The following TBC1D9 variants were observed in gnomAD, a reference collection of about 807,000 sequenced individuals.
TBC1D9 encodes the protein TBC1 domain family member 9.
A neutral mutation model predicts 132.0 loss-of-function variants in TBC1D9; 63 were observed. The ratio of observed to expected loss-of-function variants is 0.48; its 90% CI spans 0.39 to 0.59. The LOEUF is 0.59. Among genes scored for constraint, TBC1D9 ranks in the 20% least tolerant of loss-of-function variants. The pLI, the probability that TBC1D9 is intolerant of heterozygous loss-of-function variation, is 0.00. For missense variants in TBC1D9, 1,261 were observed against 1,592.7 expected (o/e 0.79, Z 3.54); for synonymous variants, 610 against 609.9 (o/e 1.00, Z 0.00).
intron 1 of TBC1D9, 58 bp from the exon 2 acceptor site, chr4:140,701,672 C>T: frequency 7.5e-7 from 1 of 1,338,440 alleles, no homozygotes. Flanking sequence ...TTCCCACATT[C>T]CCAGGGGCAG....
chr4:140,668,701 G>C (rs1313897000), intron 9 of TBC1D9, among the ~76,000 whole-genome samples: 2 of 152,190 alleles, frequency 1.3e-5, no homozygotes, highest in East Asian at 3.8e-4. Context: ...AAGGATGGTG[G>C]ATTCAACATT....
intron 13 of TBC1D9, chr4:140,644,370 G>T: frequency 3.5e-6 from 1 of 286,286 alleles, no homozygotes. Context: ...GTAGGTGTAG[G>T]CAGGCGCCTT....
intron 13 of TBC1D9, among the ~76,000 whole-genome samples, chr4:140,653,454 G>C (rs946405298): frequency 2.6e-5 from 4 of 152,100 alleles, no homozygotes; most frequent in Non-Finnish European, 5.9e-5. Context: ...CGGACATTTG[G>C]AATCGCCAGG....
At chr4:140,650,199 T>C (rs924519488) in intron 13 of TBC1D9, among the ~76,000 whole-genome samples, 2 of 152,248 alleles carry the variant, frequency 1.3e-5, no homozygotes, top group African/African-American at 2.4e-5. Context: ...TAGAATTTAT[T>C]TTGAAAGTTG....
rs1560905429 is a variant in TBC1D9, at chr4:140,754,069, A to G, written c.130+1847T>C. Among the ~76,000 whole-genome samples, 4 of 152,226 alleles carry G rather than the reference A, an allele frequency of 2.6e-5. No homozygotes were observed. In the South Asian group the frequency reaches 8.3e-4, roughly 31 times the overall value. On this transcript the variant is annotated intron_variant, in intron 1 of 20. Coordinates refer to ENST00000442267, the MANE Select transcript of TBC1D9 (RefSeq NM_015130.3). ...GATGTAATTTTACCTAAGTGAAAGA[A>G]GTCATTGATGACAAGATGAGATTTC...
At chr4:140,690,142 C>A (rs964681703) in intron 2 of TBC1D9, among the ~76,000 whole-genome samples, 1 of 152,120 alleles carries the variant, frequency 6.6e-6, no homozygotes, top group Admixed American at 6.5e-5. Context: ...GAATGCACTC[C>A]TTCAATAAAC....
intron 3 of TBC1D9, 130 bp from the exon 4 acceptor site, chr4:140,679,973 C>G (rs1737680366): frequency 1.5e-6 from 1 of 647,122 alleles, no homozygotes; most frequent in Non-Finnish European, 2.5e-6. Context: ...AATGGCAACC[C>G]CCAAATTCTA....
chr4:140,748,487 C>T (rs559639347), intron 1 of TBC1D9, among the ~76,000 whole-genome samples: 1 of 152,290 alleles, frequency 6.6e-6, no homozygotes, highest in African/African-American at 2.4e-5. Context: ...TATTAAAGAA[C>T]ACCTACTACC....
chr4:140,697,581 C>T (rs559392707), intron 2 of TBC1D9, among the ~76,000 whole-genome samples: 6 of 152,336 alleles, frequency 3.9e-5, no homozygotes, highest in African/African-American at 1.4e-4. Flanking sequence ...CTATACATCT[C>T]TTTGGACAAT....
intron 1 of TBC1D9, among the ~76,000 whole-genome samples, chr4:140,748,823 G>A (rs1268749757): frequency 1.3e-5 from 2 of 152,116 alleles, no homozygotes; most frequent in African/African-American, 4.8e-5. Context: ...TTCTGGCAGT[G>A]GAAAACGGAT....
At chr4:140,643,725 C>A in intron 13 of TBC1D9, 1 of 1,215,638 alleles carries the variant, frequency 8.2e-7, no homozygotes, top group Non-Finnish European at 1.1e-6. Context: ...GGGTTCTGTC[C>A]GGCCCGGGGA....
At chr4:140,725,022 T>C (rs879676064) in intron 1 of TBC1D9, among the ~76,000 whole-genome samples, 1 of 152,200 alleles carries the variant, frequency 6.6e-6, no homozygotes. Context: ...AAATTGCAAA[T>C]GCATATACCA....
intron 1 of TBC1D9, among the ~76,000 whole-genome samples, chr4:140,728,963 C>T (rs1214845158): frequency 1.3e-5 from 2 of 152,196 alleles, no homozygotes; most frequent in African/African-American, 4.8e-5. Flanking sequence ...TGGACCAGGT[C>T]GAAATCTACT....
intron 5 of TBC1D9, among the ~76,000 whole-genome samples, chr4:140,678,182 C>T (rs1737653629): frequency 6.6e-6 from 1 of 152,210 alleles, no homozygotes; most frequent in Non-Finnish European, 1.5e-5. Flanking sequence ...TCACCAAGGA[C>T]ATCTTAATTA....
intron 1 of TBC1D9, among the ~76,000 whole-genome samples, chr4:140,744,505 G>A (rs1031270853): frequency 3.9e-5 from 6 of 152,084 alleles, no homozygotes; most frequent in African/African-American, 1.4e-4. Context: ...GATTAGCTAG[G>A]TGTCTAGCAC....
chr4:140,643,951 C>A, intron 13 of TBC1D9: 1 of 623,806 alleles, frequency 1.6e-6, no homozygotes, highest in Non-Finnish European at 3.0e-6. Context: ...TCCACCTCCA[C>A]CTTCGCCTCC....
chr4:140,698,620 C>T (rs1198195681), intron 2 of TBC1D9, among the ~76,000 whole-genome samples: 4 of 151,978 alleles, frequency 2.6e-5, no homozygotes, highest in Non-Finnish European at 5.9e-5. Flanking sequence ...TGCCTGTAAT[C>T]CCAGCTACTC....
intron 13 of TBC1D9, chr4:140,643,387 G>C: frequency 9.5e-7 from 1 of 1,047,988 alleles, no homozygotes; most frequent in South Asian, 1.4e-5. Flanking sequence ...GCCTGGGGCA[G>C]CTCCATGGCC....
chr4:140,730,559 T>G (rs976268313), intron 1 of TBC1D9, among the ~76,000 whole-genome samples: 96 of 152,240 alleles, frequency 6.3e-4, no homozygotes, highest in African/African-American at 2.2e-3. Context: ...AAACCCCGTC[T>G]GTACTAAAAA....
Sources: allele counts gnomAD v4.1 joint callset (sites outside exome capture counted in the v4.1 genomes callset), GRCh38; gene constraint gnomAD v4.1.1; transcripts MANE v1.5; gene names NCBI Gene and HGNC (gene_info 2026-07-23, HGNC 2026-07-21).